ABCD3: variants seen among roughly 807,000 people sequenced by gnomAD.
ABCD3 encodes ATP binding cassette subfamily D member 3.
ABCD3 carries 41 observed loss-of-function variants against 105.5 expected under a neutral mutation model. That is an observed-to-expected ratio of 0.39 (90% CI 0.30 to 0.50). The LOEUF is 0.50. ABCD3 is among the 20% of genes least tolerant of loss of function. The probability of loss-of-function intolerance (pLI) is 0.84; values close to 1 mark genes in which losing one functional copy is unlikely to be tolerated. For missense variants in ABCD3, 622 were observed against 806.3 expected (o/e 0.77, Z 2.77); for synonymous variants, 258 against 269.0 (o/e 0.96, Z 0.40).
chr1:94,502,062 A>T (rs1650125457), intron 20 of ABCD3, among the ~76,000 whole-genome samples: 1 of 152,100 alleles, frequency 6.6e-6, no homozygotes, highest in South Asian at 2.1e-4. Flanking sequence ...TTTCTTAAGG[A>T]ATGAACAGTT....
intron 1 of ABCD3, among the ~76,000 whole-genome samples, chr1:94,454,056 A>C (rs543130878): frequency 4.0e-5 from 6 of 151,862 alleles, no homozygotes; most frequent in African/African-American, 1.5e-4. Context: ...ATGGGCATGC[A>C]TATGTGTATG....
At chr1:94,465,343 A>G (rs200267273) in intron 3 of ABCD3, among the ~76,000 whole-genome samples, 3 of 152,210 alleles carry the variant, frequency 2.0e-5, no homozygotes, top group Non-Finnish European at 4.4e-5. Flanking sequence ...TAAAATCATA[A>G]CACTTTGGTT....
rs183956557 is a variant in ABCD3, at chr1:94,458,878, C to G, written c.147+235C>G. ...CCCATGATGATATTAGTTTCCCCCCCTCTTCTAGCTTCTTAGCAGTGACTC... is the reference window on the plus strand; with the variant it reads ...CCCATGATGATATTAGTTTCCCCCCGTCTTCTAGCTTCTTAGCAGTGACTC... On this transcript the variant is annotated intron_variant, in intron 2 of 22. Coordinates refer to ENST00000370214, the MANE Select transcript of ABCD3 (RefSeq NM_002858.4). Among the ~76,000 whole-genome samples, 359 of 151,210 alleles carry G rather than the reference C, an allele frequency of 2.4e-3. 4 individuals carry two copies. Among genetic ancestry groups the G allele is most frequent in the African/African-American group, 8.0e-3 (329 of 41,166 alleles).
chr1:94,455,935 A>T (rs766678287), intron 1 of ABCD3: 1 of 847,200 alleles, frequency 1.2e-6, no homozygotes, highest in Non-Finnish European at 1.5e-6. Context: ...ATTGAATACT[A>T]ATTTTTTTAT....
At chr1:94,484,350 T>C (rs1270960154) in intron 10 of ABCD3, among the ~76,000 whole-genome samples, 1 of 152,200 alleles carries the variant, frequency 6.6e-6, no homozygotes, top group African/African-American at 2.4e-5. Context: ...ACGTTTATTG[T>C]GGCACTATTC....
chr1:94,433,483 A>T (rs773163789), intron 1 of ABCD3, among the ~76,000 whole-genome samples: 1 of 151,926 alleles, frequency 6.6e-6, no homozygotes, highest in Admixed American at 6.6e-5. Context: ...TTGTGTGAAC[A>T]TCATAGAGTG....
At chr1:94,442,940 C>A (rs545329262) in intron 1 of ABCD3, among the ~76,000 whole-genome samples, 5 of 152,106 alleles carry the variant, frequency 3.3e-5, no homozygotes, top group African/African-American at 9.6e-5. Flanking sequence ...GTGCAGGTAT[C>A]TTTTATATAT....
In ABCD3 at chr1:94,480,609, A is replaced by G; in HGVS notation, c.827+3A>G. On this transcript the variant is annotated splice_donor_region_variant and intron_variant, in intron 9 of 22. Transcript: ENST00000370214. ...AATTCTCGGCTCATCACAAACAGGT[A>G]AAGACAAATGCATTAAAGCCTTGCT... The G allele has an allele frequency of 6.2e-7, 1 of 1,613,680 alleles. No individual in the cohort carries two copies. The highest frequency in any genetic ancestry group is 8.5e-7 in the Non-Finnish European group (1 of 1,179,686).
At chr1:94,494,197 C>T (rs1046359785) in intron 16 of ABCD3, among the ~76,000 whole-genome samples, 37 of 152,038 alleles carry the variant, frequency 2.4e-4, no homozygotes, top group African/African-American at 8.9e-4. Context: ...TGAAAAGTGA[C>T]AAAGGGAAAA....
At chr1:94,456,919 T>C (rs537120934) in intron 1 of ABCD3, among the ~76,000 whole-genome samples, 20 of 152,342 alleles carry the variant, frequency 1.3e-4, no homozygotes, top group African/African-American at 4.8e-4. Context: ...CAGTTATCTT[T>C]TATCTTTTTG....
the ABCD3 span, among the ~76,000 whole-genome samples, chr1:94,405,326 T>C: frequency 7.4e-6 from 1 of 134,416 alleles, no homozygotes; most frequent in Admixed American, 7.8e-5. Flanking sequence ...TTTTTTTTTT[T>C]TGAGACGGAG....
At chr1:94,410,692 C>G in the ABCD3 span, among the ~76,000 whole-genome samples, 9 of 152,094 alleles carry the variant, frequency 5.9e-5, 1 homozygote, top group Non-Finnish European at 1.3e-4. Flanking sequence ...CCTTTCATGT[C>G]ATAGAAGGAA....
chr1:94,389,491 A>T, the ABCD3 span, among the ~76,000 whole-genome samples: 2 of 152,258 alleles, frequency 1.3e-5, no homozygotes, highest in Non-Finnish European at 2.9e-5. Context: ...TTCCTGCTGC[A>T]GATAACTAGC....
chr1:94,441,069 G>A (rs1428078131), intron 1 of ABCD3, among the ~76,000 whole-genome samples: 1 of 150,984 alleles, frequency 6.6e-6, no homozygotes, highest in Non-Finnish European at 1.5e-5. Flanking sequence ...GAAAGCTTTT[G>A]TAAGTGTGAT....
chr1:94,418,921 T>G, intron 1 of ABCD3: 1 of 403,144 alleles, frequency 2.5e-6, no homozygotes, highest in East Asian at 5.5e-5. Context: ...CCCCCTTCCC[T>G]ACATCACCCC....
At chr1:94,450,061 C>G (rs534725607) in intron 1 of ABCD3, among the ~76,000 whole-genome samples, 2 of 152,218 alleles carry the variant, frequency 1.3e-5, no homozygotes, top group Non-Finnish European at 2.9e-5. Context: ...CCAGGCACAC[C>G]TGACCTTAAT....
At chr1:94,388,697 A>G in the ABCD3 span, among the ~76,000 whole-genome samples, 1 of 152,218 alleles carries the variant, frequency 6.6e-6, no homozygotes, top group African/African-American at 2.4e-5. Flanking sequence ...CAAGTGGAGT[A>G]ACACAGACAA....
At chr1:94,386,836 CAG>C in the ABCD3 span, among the ~76,000 whole-genome samples, 2 of 152,076 alleles carry the variant, frequency 1.3e-5, no homozygotes, top group Non-Finnish European at 2.9e-5. Context: ...GCCTGGGTGA[CAG>C]AGTAAGACTC....
intron 10 of ABCD3, among the ~76,000 whole-genome samples, chr1:94,483,540 G>T (rs979819093): frequency 1.2e-4 from 19 of 152,088 alleles, no homozygotes; most frequent in African/African-American, 4.6e-4. Context: ...CAAGAAATGA[G>T]GAAAGGATTC....
Sources: gnomAD v4.1 joint callset for allele counts (sites outside exome capture counted in the v4.1 genomes callset) on GRCh38, gnomAD v4.1.1 for gene constraint, MANE v1.5 for transcripts, NCBI Gene and HGNC (gene_info 2026-07-23, HGNC 2026-07-21) for gene names.